The following ATPAF1 variants were observed in gnomAD, a reference collection of about 807,000 sequenced individuals.
The protein encoded by ATPAF1 is homolog of yeast ATP11.
Under a neutral mutation model 43.9 loss-of-function variants are expected in ATPAF1, and 26 were observed. The ratio of observed to expected loss-of-function variants is 0.59; its 90% CI spans 0.43 to 0.82. The LOEUF is 0.82. ATPAF1 is among the 40% of genes least tolerant of loss of function. The probability of loss-of-function intolerance (pLI) is 0.00; values close to 1 mark genes in which losing one functional copy is unlikely to be tolerated. For synonymous variants in ATPAF1, 157 were observed against 168.0 expected, an observed-to-expected ratio of 0.93 and a Z score of 0.50; for missense variants, 366 against 435.0, an observed-to-expected ratio of 0.84 and a Z score of 1.41.
intron 1 of ATPAF1, chr1:46,665,893 T>C: frequency 7.2e-7 from 1 of 1,395,500 alleles, no homozygotes. Context: ...GAAGCTGCTC[T>C]TGGAGATGAA....
chr1:46,653,730 T>C lies in ATPAF1; in HGVS notation c.540+87A>G, dbSNP rs774333480. ...GCAGCTTCTCAAGAGGCAATAAACA[T>C]AGGAAAAGTAAAGGCAACTGCCTGC... is the stretch of plus-strand genomic sequence containing the variant. On this transcript the variant is annotated intron_variant, in intron 5 of 8. Coordinates refer to ENST00000574428, the Ensembl canonical transcript of ATPAF1. This position sits in a 1 kb window ranked among gnomAD's most constrained non-coding sequence, Gnocchi z 4.8. 42 of 1,292,776 alleles carry C rather than the reference T, an allele frequency of 3.2e-5. No individual in the cohort carries two copies. Among genetic ancestry groups the C allele is most frequent in the Admixed American group, 6.0e-5 (3 of 50,240 alleles). 80.1% of individuals were successfully genotyped at this position (1,292,776 alleles called of 1,614,324 possible).
intron 4 of ATPAF1, among the ~76,000 whole-genome samples, chr1:46,657,908 G>A (rs1367777876): frequency 6.6e-6 from 1 of 152,142 alleles, no homozygotes; most frequent in African/African-American, 2.4e-5. Flanking sequence ...TGGATTATGG[G>A]AATGAAAAAG....
At chr1:46,649,506 T>A (rs1330984428) in intron 6 of ATPAF1, among the ~76,000 whole-genome samples, 1 of 152,268 alleles carries the variant, frequency 6.6e-6, no homozygotes, top group Non-Finnish European at 1.5e-5. Flanking sequence ...GTTTTAGCTA[T>A]CTCAGTCCTT....
Position 46,665,599 on chromosome 1 carries a change from C to A in ATPAF1, c.267-235G>T, listed in dbSNP as rs1251155280. 2.1e-6 allele frequency: 3 copies of A among 1,432,134 alleles called. No homozygotes were observed. The South Asian group carries it at 3.7e-5, about 18-fold the overall frequency. The allele number at this position is 1,432,134 out of a possible 1,614,324, so 88.7% of individuals were successfully genotyped here. A position where few individuals can be genotyped will look rare whatever the true frequency, so the allele number is the denominator to read the frequency against. On this transcript the variant is annotated intron_variant, in intron 1 of 8. Coordinates refer to ENST00000574428, the Ensembl canonical transcript of ATPAF1. The stretch of plus-strand genomic sequence containing the variant: ...GGGCCTGTGTAACATTTTTCTTTTG[C>A]AGGCTGTTCCCTAGGTTTACACAGG...
At chr1:46,652,410 T>A in intron 6 of ATPAF1, 171 bp downstream of exon 6, 1 of 589,270 alleles carries the variant, frequency 1.7e-6, no homozygotes, top group Non-Finnish European at 2.9e-6. Flanking sequence ...AGCATCTTTA[T>A]TAAGTAAACA....
At chr1:46,645,028 A>G in intron 7 of ATPAF1, 133 bp downstream of exon 7, 1 of 740,452 alleles carries the variant, frequency 1.4e-6, no homozygotes, top group Non-Finnish European at 2.2e-6. Context: ...AAAAAGTATG[A>G]CAATTCATCT....
In ATPAF1 at chr1:46,668,238, C is replaced by G; in HGVS notation, c.85G>C (p.Val29Leu). The G allele has an allele frequency of 7.3e-7, 1 of 1,372,050 alleles. No homozygotes were observed. Among genetic ancestry groups the G allele is most frequent in the Non-Finnish European group, 9.4e-7 (1 of 1,061,146 alleles). 85.0% of individuals were successfully genotyped at this position (1,372,050 alleles called of 1,614,324 possible). The change falls in exon 1 of 9, where the codon GTG becomes CTG. Residue 29 changes from valine (V) to leucine (L), a missense_variant. Transcript: ENST00000574428. This position sits in a 1 kb window ranked among gnomAD's most constrained non-coding sequence, Gnocchi z 4.4. Reference sequence around the variant, plus strand: ...CCCAGGCCCAGGGCGCGGCTGCGCACCGCGCACAGGCCCCGGTAGAGACCG... The same window carrying G: ...CCCAGGCCCAGGGCGCGGCTGCGCAGCGCGCACAGGCCCCGGTAGAGACCG...
intron 8 of ATPAF1, 36 bp from the exon 9 acceptor site, chr1:46,636,006 C>A (rs1215066914): frequency 5.6e-6 from 9 of 1,602,786 alleles, no homozygotes; most frequent in African/African-American, 1.3e-5. Flanking sequence ...TCCTTTCTTG[C>A]ACAGGGCCAC....
At chr1:46,665,632 C>A (rs1676476935) in intron 1 of ATPAF1, 4 of 1,525,634 alleles carry the variant, frequency 2.6e-6, no homozygotes, top group Non-Finnish European at 3.5e-6. Context: ...AGGGCTTAGT[C>A]TCTCAGGTAC....
chr1:46,657,918 GA>G (rs1431493906), intron 4 of ATPAF1, among the ~76,000 whole-genome samples: 3 of 152,168 alleles, frequency 2.0e-5, no homozygotes. Flanking sequence ...GAATGAAAAA[GA>G]AACTAGACAT....
At chr1:46,646,270 A>G (rs1234266877) in intron 6 of ATPAF1, among the ~76,000 whole-genome samples, 1 of 152,250 alleles carries the variant, frequency 6.6e-6, no homozygotes, top group Non-Finnish European at 1.5e-5. Context: ...GTTGATATCT[A>G]TAACTCTGAA....
At position 46,638,539 on chromosome 1, in the gene ATPAF1, G is replaced by A. The variant is rs577067351; in HGVS notation, c.793-2569C>T. On this transcript the variant is annotated intron_variant, in intron 8 of 8. Coordinates refer to ENST00000574428, the Ensembl canonical transcript of ATPAF1. ...CGGGAGGCTGAGGCAGGAGAATGGCGTGAACCCGGGAGGCAGAGCTTGCAG... is the reference window on the plus strand; with the variant it reads ...CGGGAGGCTGAGGCAGGAGAATGGCATGAACCCGGGAGGCAGAGCTTGCAG... Among the ~76,000 whole-genome samples, 36 of 151,750 alleles carry A rather than the reference G, an allele frequency of 2.4e-4. No individual in the cohort carries two copies. In the East Asian group the frequency reaches 4.3e-3, roughly 18 times the overall value.
exon 6 of ATPAF1, chr1:46,652,607 A>T (rs201092265): frequency 6.2e-7 from 1 of 1,613,388 alleles, no homozygotes. Context: ...GCCCGGTTCC[A>T]GATCAAATCA....
At chr1:46,665,006 C>T (rs1009939872) in intron 2 of ATPAF1, 3 of 465,452 alleles carry the variant, frequency 6.4e-6, no homozygotes, top group African/African-American at 5.9e-5. Flanking sequence ...GTGTGCCTTG[C>T]CTTGACCACC....
intron 2 of ATPAF1, among the ~76,000 whole-genome samples, chr1:46,662,608 G>T (rs558376395): frequency 1.1e-4 from 17 of 152,068 alleles, no homozygotes; most frequent in East Asian, 5.8e-4. Flanking sequence ...TGTATTTTTA[G>T]TAGATACAGG....
At chr1:46,660,658 T>C (rs1419689319) in intron 2 of ATPAF1, among the ~76,000 whole-genome samples, 1 of 152,152 alleles carries the variant, frequency 6.6e-6, no homozygotes, top group Admixed American at 6.5e-5. Flanking sequence ...AATAAGGTAA[T>C]TAAAGCAGTT....
At chr1:46,644,334 C>A (rs1175632793) in intron 7 of ATPAF1, among the ~76,000 whole-genome samples, 1 of 152,036 alleles carries the variant, frequency 6.6e-6, no homozygotes, top group East Asian at 1.9e-4. Flanking sequence ...AGGCCACTTT[C>A]TTCTATGTAA....
At chr1:46,659,669 G>A (rs923286845) in intron 2 of ATPAF1, among the ~76,000 whole-genome samples, 1 of 152,140 alleles carries the variant, frequency 6.6e-6, no homozygotes, top group Non-Finnish European at 1.5e-5. Context: ...GTAGTTTCTG[G>A]TAGTAGGGAT....
chr1:46,643,770 T>C (rs111662611), intron 7 of ATPAF1, among the ~76,000 whole-genome samples: 2 of 152,158 alleles, frequency 1.3e-5, no homozygotes, highest in African/African-American at 4.8e-5. Flanking sequence ...AGATTTGTAA[T>C]GTGCAGCTCT....
Sources: gnomAD v4.1 joint callset for allele counts (sites outside exome capture counted in the v4.1 genomes callset) on GRCh38, gnomAD v4.1.1 for gene constraint, Gnocchi (gnomAD v3.1) non-coding constraint, MANE v1.5 for transcripts, NCBI Gene and HGNC (gene_info 2026-07-23, HGNC 2026-07-21) for gene names.